Variants in NXPE2 observed in about 807,000 individuals in gnomAD.
NXPE2 encodes neurexophilin and PC-esterase domain family member 2, also known as NXPE family member 2.
In NXPE2, 34 loss-of-function variants were observed where a neutral mutation model predicts 34.4. The ratio of observed to expected loss-of-function variants is 0.99; its 90% CI spans 0.75 to 1.31. NXPE2 has a LOEUF of 1.31. NXPE2 is among the 40% of genes most tolerant of loss of function. The pLI is 0.00. For missense variants in NXPE2, 649 were observed against 672.5 expected, an observed-to-expected ratio of 0.97 and a Z score of 0.39; for synonymous variants, 235 against 231.3, an observed-to-expected ratio of 1.02 and a Z score of -0.15.
the NXPE2 span, among the ~76,000 whole-genome samples, chr11:114,791,792 C>T: frequency 1.3e-5 from 2 of 152,308 alleles, no homozygotes; most frequent in African/African-American, 2.4e-5. Context: ...CGCGGTGGCT[C>T]ACGCCTGTAA....
At chr11:114,620,083 G>T in the NXPE2 span, among the ~76,000 whole-genome samples, 4 of 152,068 alleles carry the variant, frequency 2.6e-5, no homozygotes, top group Non-Finnish European at 1.5e-5. Context: ...AATAAGTGTT[G>T]CCTCTTGGGT....
chr11:114,570,667 A>G, the NXPE2 span: 2 of 256,276 alleles, frequency 7.8e-6, no homozygotes, highest in Non-Finnish European at 7.3e-6. Context: ...TTTTACCCAT[A>G]GGTGTCTTGA....
At chr11:114,535,877 A>G in the NXPE2 span, among the ~76,000 whole-genome samples, 7 of 152,336 alleles carry the variant, frequency 4.6e-5, no homozygotes, top group Admixed American at 1.3e-4. Context: ...GATCAACGAG[A>G]CAGAAAGTTA....
chr11:114,554,480 T>C, the NXPE2 span: 179 of 615,608 alleles, frequency 2.9e-4, no homozygotes, highest in African/African-American at 2.4e-3. Context: ...TCCAAATACA[T>C]AAAATAAAAT....
upstream of NXPE2, among the ~76,000 whole-genome samples, chr11:114,673,756 A>G (rs971994896): frequency 6.6e-6 from 1 of 151,820 alleles, no homozygotes; most frequent in African/African-American, 2.4e-5. Flanking sequence ...AAAGAGCTGT[A>G]ATTTCATAAC....
the NXPE2 span, among the ~76,000 whole-genome samples, chr11:114,478,183 T>C: frequency 5.9e-5 from 9 of 152,200 alleles, no homozygotes; most frequent in African/African-American, 2.2e-4. Context: ...GTAATTGCTT[T>C]TACCCAAAGG....
the NXPE2 span, among the ~76,000 whole-genome samples, chr11:114,787,038 G>A: frequency 2.6e-5 from 4 of 152,208 alleles, no homozygotes; most frequent in South Asian, 2.1e-4. Flanking sequence ...CCAGGCTAAT[G>A]TCCTGCTGCC....
the NXPE2 span, among the ~76,000 whole-genome samples, chr11:114,598,397 C>T: frequency 7.0e-6 from 1 of 143,172 alleles, no homozygotes; most frequent in Admixed American, 6.9e-5. Flanking sequence ...CTCCACTAGG[C>T]AGTGCCCCAG....
the NXPE2 span, among the ~76,000 whole-genome samples, chr11:114,758,026 T>C: frequency 6.6e-6 from 1 of 152,212 alleles, no homozygotes; most frequent in Non-Finnish European, 1.5e-5. Flanking sequence ...GCCTTTGGCA[T>C]TAACTGGAAT....
chr11:114,530,495 G>A, the NXPE2 span: 3 of 1,613,830 alleles, frequency 1.9e-6, no homozygotes, highest in East Asian at 4.5e-5. Context: ...GGCCCTCCCA[G>A]AACAGAGTGA....
chr11:114,545,330 T>C, the NXPE2 span, among the ~76,000 whole-genome samples: 3 of 152,188 alleles, frequency 2.0e-5, no homozygotes, highest in Non-Finnish European at 4.4e-5. Context: ...CTTCAGTAGG[T>C]GAATATAGAT....
At chr11:114,695,941 C>T (rs1951243907) in intron 2 of NXPE2, among the ~76,000 whole-genome samples, 1 of 151,712 alleles carries the variant, frequency 6.6e-6, no homozygotes, top group Non-Finnish European at 1.5e-5. Flanking sequence ...TTGCTTGAAC[C>T]CGGGAGGCGG....
At chr11:114,803,845 T>G in the NXPE2 span, among the ~76,000 whole-genome samples, 1 of 152,078 alleles carries the variant, frequency 6.6e-6, no homozygotes, top group Admixed American at 6.5e-5. Context: ...CCCAAAATGC[T>G]GCGATTACAG....
At chr11:114,703,691 TAGATAGATGATAGATAGATA>T (rs1314967594) in intron 3 of NXPE2, among the ~76,000 whole-genome samples, 1 of 18,032 alleles carries the variant, frequency 5.5e-5, no homozygotes, top group Non-Finnish European at 9.9e-5. Flanking sequence ...GATAGATAGA[TAGATAGATGATAGATAGATA>T]GATAGACAGA....
the NXPE2 span, among the ~76,000 whole-genome samples, chr11:114,491,651 A>G: frequency 2.6e-5 from 4 of 152,214 alleles, no homozygotes; most frequent in African/African-American, 9.7e-5. Flanking sequence ...CAGCCATCCC[A>G]TTACTGGGTA....
chr11:114,780,049 A>G, the NXPE2 span, among the ~76,000 whole-genome samples: 1 of 152,186 alleles, frequency 6.6e-6, no homozygotes, highest in Non-Finnish European at 1.5e-5. Flanking sequence ...GAAACCAGCA[A>G]CAACCCCCAT....
intron 5 of NXPE2, among the ~76,000 whole-genome samples, 170 bp from the exon 6 acceptor site, chr11:114,706,225 G>A (rs1366391998): frequency 6.6e-6 from 1 of 151,784 alleles, no homozygotes; most frequent in African/African-American, 2.4e-5. Flanking sequence ...CTCATAACAA[G>A]TTCAATATTT....
At chr11:114,530,106 G>A in the NXPE2 span, 2 of 1,450,410 alleles carry the variant, frequency 1.4e-6, no homozygotes, top group East Asian at 2.3e-5. Context: ...ATGTTGCAAT[G>A]GGCAATGTAG....
the NXPE2 span, among the ~76,000 whole-genome samples, chr11:114,779,232 A>G: frequency 6.6e-6 from 1 of 151,244 alleles, no homozygotes; most frequent in Non-Finnish European, 1.5e-5. Context: ...TGTTCACTTC[A>G]GTCAGAATAA....
Sources: gnomAD v4.1 joint callset for allele counts (sites outside exome capture counted in the v4.1 genomes callset) on GRCh38, gnomAD v4.1.1 for gene constraint, MANE v1.5 for transcripts, NCBI Gene and HGNC (gene_info 2026-07-23, HGNC 2026-07-21) for gene names.